Variants in CFAP44 observed in about 807,000 individuals in gnomAD.
The protein encoded by CFAP44 is cilia- and flagella-associated protein 44.
In CFAP44, 134 loss-of-function variants were observed where a neutral mutation model predicts 216.2. That is an observed-to-expected ratio of 0.62 (90% CI 0.54 to 0.72). The LOEUF (loss-of-function observed/expected upper bound fraction) is 0.72. Ranked by LOEUF, CFAP44 falls within the 30% of genes least tolerant of loss-of-function variation. The pLI is 0.00. For missense variants in CFAP44, 2,035 were observed against 2,182.1 expected (o/e 0.93, Z 1.34); for synonymous variants, 700 against 727.6 (o/e 0.96, Z 0.61).
In CFAP44 at chr3:113,318,306, T is replaced by A. The variant is rs1239508836; in HGVS notation, c.4516+8139A>T. On this transcript the variant is annotated intron_variant, in intron 28 of 34. Coordinates refer to ENST00000393845, the MANE Select transcript of CFAP44 (RefSeq NM_001164496.2). ...AGAATTTCATAATATGATTGGAATATTAACAGCAGAATAGACTAAGATGAG... is the reference window on the plus strand; with the variant it reads ...AGAATTTCATAATATGATTGGAATAATAACAGCAGAATAGACTAAGATGAG... 4.6e-5 allele frequency among the ~76,000 whole-genome samples: 7 copies of A among 152,294 alleles called. No homozygotes were observed. The South Asian group carries it at 1.4e-3, about 32-fold the overall frequency.
intron 4 of CFAP44, among the ~76,000 whole-genome samples, chr3:113,424,236 G>C (rs958269756): frequency 7.9e-5 from 12 of 152,178 alleles, no homozygotes; most frequent in African/African-American, 2.9e-4. Flanking sequence ...AGGAGTTCGA[G>C]ACCAGCCTGG....
chr3:113,380,058 T>G (rs1933464432), intron 16 of CFAP44, among the ~76,000 whole-genome samples: 1 of 152,196 alleles, frequency 6.6e-6, no homozygotes, highest in Non-Finnish European at 1.5e-5. Context: ...TTATTATACT[T>G]TAAGTTTTAG....
chr3:113,409,973 C>G (rs1934408190), intron 6 of CFAP44, among the ~76,000 whole-genome samples: 1 of 152,150 alleles, frequency 6.6e-6, no homozygotes, highest in Admixed American at 6.5e-5. Flanking sequence ...AGGGAGGAAC[C>G]CTAAGTTCCA....
chr3:113,435,279 G>A (rs892740367), intron 1 of CFAP44, among the ~76,000 whole-genome samples: 4 of 152,158 alleles, frequency 2.6e-5, no homozygotes, highest in African/African-American at 9.7e-5. Flanking sequence ...TTACAGTTTG[G>A]CATGGCTAGG....
intron 2 of CFAP44, among the ~76,000 whole-genome samples, chr3:113,432,676 C>A (rs1315567618): frequency 1.3e-5 from 2 of 152,158 alleles, no homozygotes; most frequent in Admixed American, 1.3e-4. Context: ...CACAAAAAAA[C>A]TATAGTGAAG....
At chr3:113,350,334 GAC>G (rs1169047514) in intron 22 of CFAP44, among the ~76,000 whole-genome samples, 1 of 151,056 alleles carries the variant, frequency 6.6e-6, no homozygotes, top group Non-Finnish European at 1.5e-5. Flanking sequence ...GAGAGAAAGA[GAC>G]AGAGAGACAA....
Position 113,312,072 on chromosome 3 carries a change from TG to T in CFAP44, c.4517-3805del, listed in dbSNP as rs1237942514. ...TTTTGTGTGTGTCTGTGTGTGTGTG[TG>T]TTTTTTTTTTTTTTTTTTGAGACCA... On this transcript the variant is annotated intron_variant, in intron 28 of 34. Transcript: ENST00000393845. 6.8e-5 allele frequency among the ~76,000 whole-genome samples: 9 copies of T among 132,354 alleles called. No homozygotes were observed. In the East Asian group the frequency reaches 1.8e-3, roughly 27 times the overall value. 86.8% of individuals were successfully genotyped at this position (132,354 alleles called of 152,430 possible).
intron 33 of CFAP44, 36 bp downstream of exon 33, chr3:113,296,689 G>A: frequency 6.5e-7 from 1 of 1,529,084 alleles, no homozygotes; most frequent in African/African-American, 1.4e-5. Context: ...CCTCCAGCCA[G>A]ATTCAACCAA....
Position 113,400,553 on chromosome 3 carries a change from G to A in CFAP44, c.1466C>T (p.Ala489Val). ...SPLTYLMATT[A>V]LDCSVRIYDF... is the part of the protein sequence containing the mutation. Reference sequence around the variant, plus strand: ...TAAGAGTTCCTACTTACAGTCCAAGGCAGTTGTGGCCATGAGATAAGTGAG... The same window carrying A: ...TAAGAGTTCCTACTTACAGTCCAAGACAGTTGTGGCCATGAGATAAGTGAG... The change falls in exon 12 of 35, where the codon GCC becomes GTC. Residue 489 changes from alanine (A) to valine (V), a missense_variant. Physicochemically the swap from Ala to Val is moderately conservative, Grantham distance 64. Coordinates refer to ENST00000393845, the MANE Select transcript of CFAP44 (RefSeq NM_001164496.2). 1 of 1,602,676 alleles carries A rather than the reference G, an allele frequency of 6.2e-7. No homozygotes were observed. The highest frequency in any genetic ancestry group is 8.5e-7 in the Non-Finnish European group (1 of 1,174,862).
intron 15 of CFAP44, among the ~76,000 whole-genome samples, chr3:113,387,504 C>T (rs1436644087): frequency 2.0e-5 from 3 of 152,208 alleles, no homozygotes; most frequent in Admixed American, 2.0e-4. Context: ...CACCTGCTGA[C>T]TAAAGAGCGC....
At chr3:113,436,339 C>T (rs972786923) in intron 1 of CFAP44, among the ~76,000 whole-genome samples, 6 of 152,050 alleles carry the variant, frequency 3.9e-5, no homozygotes, top group African/African-American at 1.2e-4. Flanking sequence ...TACACACACA[C>T]CTAAATATTA....
intron 15 of CFAP44, among the ~76,000 whole-genome samples, chr3:113,388,708 T>C (rs1933715454): frequency 6.6e-6 from 1 of 152,146 alleles, no homozygotes; most frequent in African/African-American, 2.4e-5. Context: ...AGATGTTCCA[T>C]GCAAACAGAA....
intron 26 of CFAP44, among the ~76,000 whole-genome samples, chr3:113,329,109 G>A (rs1344811922): frequency 5.3e-5 from 8 of 152,184 alleles, no homozygotes; most frequent in Non-Finnish European, 1.0e-4. Context: ...GGAATCAGAA[G>A]TATATGTGGC....
intron 33 of CFAP44, 96 bp from the exon 34 acceptor site, chr3:113,294,917 G>A (rs1949866479): frequency 7.5e-6 from 10 of 1,332,776 alleles, no homozygotes; most frequent in South Asian, 6.7e-5. Flanking sequence ...TCAGGCAAAT[G>A]GAGCAATGTG....
chr3:113,419,913 T>C (rs1296683756), intron 5 of CFAP44, 104 bp downstream of exon 5: 12 of 1,209,082 alleles, frequency 9.9e-6, no homozygotes, highest in Non-Finnish European at 1.4e-5. Flanking sequence ...GAACCCACAA[T>C]ACTGTGCATG....
intron 25 of CFAP44, 40 bp downstream of exon 25, chr3:113,333,366 G>C (rs1413001753): frequency 1.3e-6 from 2 of 1,507,178 alleles, no homozygotes; most frequent in Non-Finnish European, 8.9e-7. Context: ...TAAGAACCCA[G>C]GGTGCCTTCT....
At chr3:113,410,898 G>C (rs554713473) in intron 6 of CFAP44, among the ~76,000 whole-genome samples, 1 of 152,336 alleles carries the variant, frequency 6.6e-6, no homozygotes, top group African/African-American at 2.4e-5. Flanking sequence ...CTGATGGCCA[G>C]TGATGATGAG....
chr3:113,356,477 A>C (rs2107305801), intron 22 of CFAP44, among the ~76,000 whole-genome samples: 1 of 152,312 alleles, frequency 6.6e-6, no homozygotes, highest in South Asian at 2.1e-4. Flanking sequence ...AGACAGAATG[A>C]TACTGGCACC....
rs1043754641 is a variant in CFAP44 at position 113,303,874 on chromosome 3, C to A, written c.5077+42G>T. On this transcript the variant is annotated intron_variant, in intron 32 of 34. Transcript: ENST00000393845. The stretch of plus-strand genomic sequence containing the variant: ...GTCACCTGGATAATTCCCTTTCTTA[C>A]CAATAAACCTTACTAGCAAGGCTGT... 3 of 1,530,020 alleles carry A rather than the reference C, an allele frequency of 2.0e-6. No individual in the cohort carries two copies. The East Asian group carries it at 7.3e-5, about 37-fold the overall frequency. 94.8% of individuals were successfully genotyped at this position (1,530,020 alleles called of 1,614,324 possible). A position where few individuals can be genotyped will look rare whatever the true frequency, so the allele number is the denominator to read the frequency against.
Sources: allele counts gnomAD v4.1 joint callset (sites outside exome capture counted in the v4.1 genomes callset), GRCh38; gene constraint gnomAD v4.1.1; transcripts MANE v1.5; gene names NCBI Gene and HGNC (gene_info 2026-07-23, HGNC 2026-07-21).